The following GPHN variants were observed in gnomAD, a reference collection of about 807,000 sequenced individuals.
The protein encoded by GPHN is gephyrin.
GPHN carries 17 observed loss-of-function variants against 95.5 expected under a neutral mutation model. The ratio of observed to expected loss-of-function variants is 0.18; its 90% CI spans 0.12 to 0.27. The LOEUF (loss-of-function observed/expected upper bound fraction) is 0.27. Among genes scored for constraint, GPHN ranks in the 10% least tolerant of loss-of-function variants. The probability of loss-of-function intolerance (pLI) is 1.00; values close to 1 mark genes in which losing one functional copy is unlikely to be tolerated. For missense variants in GPHN, 660 were observed against 978.1 expected, an observed-to-expected ratio of 0.67 and a Z score of 4.34; for synonymous variants, 320 against 322.5, an observed-to-expected ratio of 0.99 and a Z score of 0.08.
chr14:66,747,179 A>G (rs1281967935), intron 2 of GPHN, among the ~76,000 whole-genome samples: 1 of 152,152 alleles, frequency 6.6e-6, no homozygotes, highest in Non-Finnish European at 1.5e-5. Context: ...GAGTTTTCAG[A>G]TAAGTCTCTA....
At chr14:67,659,753 T>C in the GPHN span, 2 of 1,613,316 alleles carry the variant, frequency 1.2e-6, no homozygotes, top group South Asian at 1.1e-5. Flanking sequence ...CTCTACAGCA[T>C]ATATGCCATA....
the GPHN span, chr14:67,447,056 T>G: frequency 6.6e-6 from 1 of 152,202 alleles, no homozygotes; most frequent in African/African-American, 2.4e-5. Context: ...CTGTTTACAC[T>G]GCTTTAATGA....
At chr14:66,866,209 A>C (rs1183551714) in intron 4 of GPHN, among the ~76,000 whole-genome samples, 2 of 152,146 alleles carry the variant, frequency 1.3e-5, no homozygotes, top group African/African-American at 4.8e-5. Flanking sequence ...AGATTTCCTG[A>C]ACTTTTTTCC....
chr14:66,709,501 C>A lies in GPHN; in HGVS notation c.143+28316C>A. ...GGGTAGCCTATACAATGTGAATTCACTGGACAAAGGGATGATTCATGTCCC... is the reference window on the plus strand; with the variant it reads ...GGGTAGCCTATACAATGTGAATTCAATGGACAAAGGGATGATTCATGTCCC... On this transcript the variant is annotated intron_variant, in intron 2 of 22. Coordinates refer to ENST00000478722, the MANE Select transcript of GPHN (RefSeq NM_020806.5). The A allele has an allele frequency of 6.9e-6, 3 of 433,032 alleles. No homozygotes were observed. The Admixed American group carries it at 7.2e-5, about 10-fold the overall frequency. 26.8% of individuals were successfully genotyped at this position (433,032 alleles called of 1,614,324 possible).
intron 12 of GPHN, among the ~76,000 whole-genome samples, chr14:67,098,889 A>T (rs1418658654): frequency 6.6e-6 from 1 of 152,050 alleles, no homozygotes; most frequent in East Asian, 1.9e-4. Flanking sequence ...GCAAGCTGAT[A>T]ATTATTTATC....
At chr14:67,724,454 T>C in the GPHN span, 2 of 1,560,746 alleles carry the variant, frequency 1.3e-6, no homozygotes, top group Admixed American at 1.7e-5. Context: ...CGTGATGCTC[T>C]TGTTTCCCTT....
At chr14:66,597,876 A>T (rs903122625) in intron 1 of GPHN, among the ~76,000 whole-genome samples, 1 of 152,206 alleles carries the variant, frequency 6.6e-6, no homozygotes, top group African/African-American at 2.4e-5. Flanking sequence ...TGTGGAATCA[A>T]TCTAAGTGTC....
chr14:67,497,120 G>C, the GPHN span, among the ~76,000 whole-genome samples: 3 of 152,084 alleles, frequency 2.0e-5, no homozygotes, highest in African/African-American at 7.2e-5. Flanking sequence ...AGATAAGAGA[G>C]ACCTAAGGAT....
intron 14 of GPHN, among the ~76,000 whole-genome samples, chr14:67,111,147 T>G (rs1012608554): frequency 6.6e-6 from 1 of 152,262 alleles, no homozygotes; most frequent in Non-Finnish European, 1.5e-5. Context: ...GGAGATTTTC[T>G]TTTTAATCAC....
the GPHN span, among the ~76,000 whole-genome samples, chr14:67,416,691 C>T: frequency 2.2e-3 from 339 of 152,336 alleles, 2 homozygotes; most frequent in South Asian, 9.9e-3. Flanking sequence ...GTACAAAGCA[C>T]GGACAGTGCC....
chr14:66,887,242 CAG>C (rs1172913617), intron 5 of GPHN, among the ~76,000 whole-genome samples: 2 of 152,098 alleles, frequency 1.3e-5, no homozygotes, highest in African/African-American at 4.8e-5. Flanking sequence ...TCCCATGTAA[CAG>C]GGGAGGAAAA....
At chr14:66,580,749 A>G (rs2061127061) in intron 1 of GPHN, among the ~76,000 whole-genome samples, 2 of 151,886 alleles carry the variant, frequency 1.3e-5, no homozygotes, top group Admixed American at 6.6e-5. Context: ...TATTTAAAGA[A>G]TAAACACCAG....
chr14:67,113,062 A>G lies in GPHN; in HGVS notation c.1517A>G (p.Lys506Arg). 1 of 1,613,860 alleles carries G rather than the reference A, an allele frequency of 6.2e-7. No homozygotes were observed. The highest frequency in any genetic ancestry group is 8.5e-7 in the Non-Finnish European group (1 of 1,179,782). The change falls in exon 16 of 23, where the codon AAA becomes AGA. Residue 506 changes from lysine (K) to arginine (R), a missense_variant. Physicochemically the swap from Lys to Arg is conservative, Grantham distance 26 (BLOSUM62 2). This residue lies in a region of GPHN where 257 missense variants were observed against 376.2 expected (regional missense o/e 0.68). Coordinates refer to ENST00000478722, the MANE Select transcript of GPHN (RefSeq NM_020806.5). ...AAAAGAGGGGAATGTGTTTTGGCCAAAGGAACCCACATGGGCCCCTCAGAG... is the reference window on the plus strand; with the variant it reads ...AAAAGAGGGGAATGTGTTTTGGCCAGAGGAACCCACATGGGCCCCTCAGAG... ...DIKRGECVLA[K>R]GTHMGPSEIG...
the GPHN span, among the ~76,000 whole-genome samples, chr14:67,263,761 A>C: frequency 6.6e-6 from 1 of 152,218 alleles, no homozygotes; most frequent in Non-Finnish European, 1.5e-5. Flanking sequence ...GATATATAGG[A>C]AACTGTTGGC....
Position 66,808,312 on chromosome 14 carries a change from TCTC to T in GPHN, c.202-16155_202-16153del, listed in dbSNP as rs1165528662. The stretch of plus-strand genomic sequence containing the variant: ...TTTGATACATGTATCATCCATTTAT[TCTC>T]CTCCTCGGTTGTTTGCCTTCTTACT... On this transcript the variant is annotated intron_variant, in intron 3 of 22. Transcript: ENST00000478722. Among the ~76,000 whole-genome samples the T allele has an allele frequency of 3.3e-5, 5 of 152,334 alleles. No homozygotes were observed. In the South Asian group the frequency reaches 6.2e-4, roughly 19 times the overall value.
chr14:67,110,084 A>G, intron 13 of GPHN, 56 bp from the exon 14 acceptor site: 1 of 1,532,016 alleles, frequency 6.5e-7, no homozygotes, highest in Non-Finnish European at 9.0e-7. Flanking sequence ...TCCTCTGCAG[A>G]CTTTTCCTTT....
the GPHN span, chr14:67,586,357 A>G: frequency 7.0e-7 from 1 of 1,425,466 alleles, no homozygotes; most frequent in Non-Finnish European, 9.3e-7. Flanking sequence ...TTTCTTTTTT[A>G]TTCTCTCAAG....
At chr14:67,590,071 C>T in the GPHN span, 18 of 1,548,704 alleles carry the variant, frequency 1.2e-5, no homozygotes, top group Non-Finnish European at 1.4e-5. Flanking sequence ...GCCTTCTGAA[C>T]GCTGGGGCTC....
the GPHN span, chr14:67,317,493 T>C: frequency 6.4e-7 from 1 of 1,568,172 alleles, no homozygotes; most frequent in Non-Finnish European, 8.8e-7. Context: ...AGTTCTACTC[T>C]CAGGGATAGG....
Sources: gnomAD v4.1 joint callset for allele counts (sites outside exome capture counted in the v4.1 genomes callset) on GRCh38, gnomAD v4.1.1 for gene constraint, gnomAD v4.1.1 regional missense constraint, MANE v1.5 for transcripts, NCBI Gene and HGNC (gene_info 2026-07-23, HGNC 2026-07-21) for gene names.